Variants in CNTN5 observed in about 807,000 individuals in gnomAD.
CNTN5 encodes contactin-5.
A neutral mutation model predicts 129.1 loss-of-function variants in CNTN5; 77 were observed. That is an observed-to-expected ratio of 0.60 (90% CI 0.50 to 0.72). CNTN5 has a LOEUF of 0.72. Ranked by LOEUF, CNTN5 falls within the 30% of genes least tolerant of loss-of-function variation. The probability of loss-of-function intolerance (pLI) is 0.00; values close to 1 mark genes in which losing one functional copy is unlikely to be tolerated. For synonymous variants in CNTN5, 509 were observed against 465.6 expected (o/e 1.09, Z -1.20); for missense variants, 1,478 against 1,328.8 (o/e 1.11, Z -1.75).
chr11:100,214,414 A>G (rs1042694525), intron 15 of CNTN5, among the ~76,000 whole-genome samples: 7 of 152,132 alleles, frequency 4.6e-5, no homozygotes, highest in African/African-American at 1.7e-4. Flanking sequence ...TTCTGTCTTT[A>G]CAACTCATCT....
At chr11:99,052,361 A>G (rs1208511856) in intron 1 of CNTN5, among the ~76,000 whole-genome samples, 1 of 151,864 alleles carries the variant, frequency 6.6e-6, no homozygotes, top group Non-Finnish European at 1.5e-5. Flanking sequence ...CCATAAGATT[A>G]TAACGTGCTA....
intron 9 of CNTN5, among the ~76,000 whole-genome samples, chr11:100,023,949 T>G (rs890130601): frequency 6.6e-6 from 1 of 152,220 alleles, no homozygotes; most frequent in African/African-American, 2.4e-5. Flanking sequence ...TTGGTACTTA[T>G]GAATAAAGCT....
intron 1 of CNTN5, among the ~76,000 whole-genome samples, chr11:99,283,038 A>G (rs1863769534): frequency 6.6e-6 from 1 of 152,068 alleles, no homozygotes; most frequent in Admixed American, 6.6e-5. Flanking sequence ...TCATGTGGCT[A>G]ATTCAAATTC....
intron 1 of CNTN5, among the ~76,000 whole-genome samples, chr11:99,082,677 A>G (rs1865854080): frequency 6.6e-6 from 1 of 152,184 alleles, no homozygotes; most frequent in African/African-American, 2.4e-5. Flanking sequence ...CACAATTCTA[A>G]GTGTTATTCC....
intron 21 of CNTN5, among the ~76,000 whole-genome samples, chr11:100,338,626 C>T (rs968440256): frequency 2.0e-5 from 3 of 152,186 alleles, no homozygotes; most frequent in East Asian, 1.9e-4. Flanking sequence ...CCCATTTACT[C>T]GGCCTGCCGC....
chr11:100,077,352 A>C (rs1007332512), intron 13 of CNTN5, among the ~76,000 whole-genome samples: 5 of 152,152 alleles, frequency 3.3e-5, no homozygotes, highest in African/African-American at 1.2e-4. Context: ...CACTCATCCA[A>C]CCTACAACAA....
intron 1 of CNTN5, among the ~76,000 whole-genome samples, chr11:99,123,809 T>C (rs1858480371): frequency 1.3e-5 from 2 of 152,112 alleles, no homozygotes; most frequent in African/African-American, 4.8e-5. Flanking sequence ...AGGGAGTTCT[T>C]TCTCTATTAC....
chr11:99,367,196 C>A (rs1461757980), intron 2 of CNTN5, among the ~76,000 whole-genome samples: 2 of 152,072 alleles, frequency 1.3e-5, no homozygotes, highest in Non-Finnish European at 2.9e-5. Context: ...TTTTACAGAA[C>A]CTGCCTTGTC....
intron 1 of CNTN5, among the ~76,000 whole-genome samples, chr11:99,122,181 C>A (rs933390278): frequency 2.8e-4 from 43 of 151,854 alleles, no homozygotes; most frequent in African/African-American, 1.0e-3. Flanking sequence ...TGCTATAGAT[C>A]TAATTTATTT....
chr11:99,315,144 A>C (rs1865288119), intron 1 of CNTN5, among the ~76,000 whole-genome samples: 2 of 149,446 alleles, frequency 1.3e-5, no homozygotes. Flanking sequence ...GTCATGGAAG[A>C]ATAAAAGCAT....
At chr11:99,173,696 C>T (rs971328588) in intron 1 of CNTN5, among the ~76,000 whole-genome samples, 5 of 152,100 alleles carry the variant, frequency 3.3e-5, no homozygotes, top group African/African-American at 4.8e-5. Context: ...CTAGAGAAGA[C>T]ATTAGGGTAT....
At chr11:99,713,216 G>C (rs1955074552) in intron 3 of CNTN5, among the ~76,000 whole-genome samples, 1 of 151,944 alleles carries the variant, frequency 6.6e-6, no homozygotes, top group Non-Finnish European at 1.5e-5. Flanking sequence ...TTGTAAGTCG[G>C]ATTCCTAGGC....
At chr11:99,585,475 C>T (rs1056069681) in intron 3 of CNTN5, among the ~76,000 whole-genome samples, 1 of 151,858 alleles carries the variant, frequency 6.6e-6, no homozygotes, top group Non-Finnish European at 1.5e-5. Flanking sequence ...TACATTTTGT[C>T]TTGAAAAATA....
chr11:99,795,669 T>A (rs773032895), intron 3 of CNTN5, among the ~76,000 whole-genome samples: 4 of 151,138 alleles, frequency 2.6e-5, no homozygotes, highest in Non-Finnish European at 5.9e-5. Flanking sequence ...TTTAAAAAAA[T>A]TATCTTCTTT....
Position 99,253,914 on chromosome 11 carries a change from T to G in CNTN5, c.-209-71432T>G, listed in dbSNP as rs920647973. ...ATATACGTTTATATATATATATATA[T>G]ATATATATATTTGGTAGAACATATG... On this transcript the variant is annotated intron_variant, in intron 1 of 24. Transcript: ENST00000524871. Among the ~76,000 whole-genome samples the G allele has an allele frequency of 2.9e-4, 41 of 142,428 alleles. 1 individual carries two copies. Among genetic ancestry groups the G allele is most frequent in the Non-Finnish European group, 6.3e-4 (41 of 64,722 alleles). The allele number at this position is 142,428 out of a possible 152,430, so 93.4% of individuals were successfully genotyped here. A position where few individuals can be genotyped will look rare whatever the true frequency, so the allele number is the denominator to read the frequency against.
intron 6 of CNTN5, among the ~76,000 whole-genome samples, chr11:99,913,024 A>T (rs1210560868): frequency 6.6e-6 from 1 of 152,050 alleles, no homozygotes. Flanking sequence ...AAACAATTCA[A>T]GCCAATATCT....
chr11:99,758,127 C>T (rs1174214107), intron 3 of CNTN5, among the ~76,000 whole-genome samples: 1 of 152,016 alleles, frequency 6.6e-6, no homozygotes, highest in East Asian at 1.9e-4. Flanking sequence ...CAGTATATTT[C>T]TCCAAGTCCA....
At chr11:99,974,492 A>G (rs1177626623) in intron 8 of CNTN5, among the ~76,000 whole-genome samples, 3 of 152,224 alleles carry the variant, frequency 2.0e-5, no homozygotes, top group Non-Finnish European at 4.4e-5. Context: ...GTGTGGTTAG[A>G]GATGATCCTT....
At chr11:99,472,501 T>A (rs1027238101) in intron 2 of CNTN5, among the ~76,000 whole-genome samples, 3 of 152,212 alleles carry the variant, frequency 2.0e-5, no homozygotes, top group Non-Finnish European at 4.4e-5. Flanking sequence ...TTCATTCTTT[T>A]GTAATTAGTT....
Sources: allele counts gnomAD v4.1 joint callset (sites outside exome capture counted in the v4.1 genomes callset), GRCh38; gene constraint gnomAD v4.1.1; transcripts MANE v1.5; gene names NCBI Gene and HGNC (gene_info 2026-07-23, HGNC 2026-07-21).